NEGR1: variants seen among roughly 807,000 people sequenced by gnomAD.
The protein encoded by NEGR1 is neuronal growth regulator 1.
In NEGR1, 10 loss-of-function variants were observed where a neutral mutation model predicts 40.9. The ratio of observed to expected loss-of-function variants is 0.24; its 90% CI spans 0.15 to 0.42. NEGR1 has a LOEUF of 0.42. Ranked by LOEUF, NEGR1 falls within the 10% of genes least tolerant of loss-of-function variation. The probability of loss-of-function intolerance (pLI) is 1.00; values close to 1 mark genes in which losing one functional copy is unlikely to be tolerated. For missense variants in NEGR1, 352 were observed against 438.9 expected, an observed-to-expected ratio of 0.80 and a Z score of 1.77; for synonymous variants, 185 against 166.8, an observed-to-expected ratio of 1.11 and a Z score of -0.84.
At chr1:71,407,688 C>G (rs1646287257) in intron 6 of NEGR1, 118 bp from the exon 7 acceptor site, 1 of 894,120 alleles carries the variant, frequency 1.1e-6, no homozygotes, top group Admixed American at 2.4e-5. Flanking sequence ...GTCAGACAGA[C>G]TGAAGTTCAT....
At chr1:71,907,968 A>G (rs1661323006) in intron 2 of NEGR1, among the ~76,000 whole-genome samples, 1 of 152,100 alleles carries the variant, frequency 6.6e-6, no homozygotes, top group Admixed American at 6.6e-5. Flanking sequence ...TCATGGACAT[A>G]AAGATGGCAA....
intron 1 of NEGR1, among the ~76,000 whole-genome samples, chr1:72,167,002 G>C (rs1216851185): frequency 6.6e-6 from 1 of 152,050 alleles, no homozygotes; most frequent in Non-Finnish European, 1.5e-5. Context: ...GTGGTCAAGT[G>C]AAATGATTTG....
At chr1:72,078,915 C>T (rs988561589) in intron 1 of NEGR1, among the ~76,000 whole-genome samples, 1 of 151,170 alleles carries the variant, frequency 6.6e-6, no homozygotes, top group African/African-American at 2.4e-5. Context: ...GCTGGGATTA[C>T]AGGCATGAGC....
chr1:71,555,073 C>T (rs1648212281), intron 6 of NEGR1, among the ~76,000 whole-genome samples: 1 of 151,548 alleles, frequency 6.6e-6, no homozygotes, highest in African/African-American at 2.4e-5. Context: ...GCAGCCACTT[C>T]GAATTCAATT....
At position 71,759,287 on chromosome 1, in the gene NEGR1, C is replaced by CTTTTTTTTTTTTT. The variant is rs759687500; in HGVS notation, c.535+16872_535+16884dup. ...AAGGTTGCATTTTCCAAGATTATAA[C>CTTTTTTTTTTTTT]TTTTTTTTTTTTTTTTTTTTTTTTT... On this transcript the variant is annotated intron_variant, in intron 3 of 6. Transcript: ENST00000357731. Among the ~76,000 whole-genome samples, 4 of 85,220 alleles carry CTTTTTTTTTTTTT rather than the reference C, an allele frequency of 4.7e-5. 1 individual carries two copies. The highest frequency in any genetic ancestry group is 6.4e-5 in the Non-Finnish European group (3 of 46,864). 55.9% of individuals were successfully genotyped at this position (85,220 alleles called of 152,430 possible).
intron 1 of NEGR1, among the ~76,000 whole-genome samples, chr1:72,242,116 A>C (rs1371169647): frequency 2.0e-5 from 3 of 151,786 alleles, no homozygotes; most frequent in Non-Finnish European, 4.4e-5. Flanking sequence ...TGTCATTATC[A>C]TAGAATATCC....
intron 1 of NEGR1, among the ~76,000 whole-genome samples, chr1:72,019,109 G>A (rs930445312): frequency 3.9e-5 from 6 of 152,262 alleles, no homozygotes; most frequent in African/African-American, 1.4e-4. Flanking sequence ...AAGGGGAGAA[G>A]TCAAGGATGA....
At chr1:71,693,364 G>T (rs995303961) in intron 4 of NEGR1, among the ~76,000 whole-genome samples, 1 of 151,536 alleles carries the variant, frequency 6.6e-6, no homozygotes, top group African/African-American at 2.4e-5. Context: ...ACTCTAAACT[G>T]TTTAACCCTT....
Position 71,403,507 on chromosome 1 carries a change from G to A in NEGR1, c.*3939C>T, listed in dbSNP as rs1646258691. On this transcript the variant is annotated 3_prime_UTR_variant, in exon 7 of 7. Transcript: ENST00000357731. ...CAGAAAATTTATTTTTAGTTTAGAT[G>A]TAGTTCAGCTCATCAAACCTTTTAG... 5.8e-6 allele frequency: 1 copy of A among 173,420 alleles called. No homozygotes were observed. The highest frequency in any genetic ancestry group is 1.2e-5 in the Non-Finnish European group (1 of 82,448). The allele number at this position is 173,420 out of a possible 1,614,324, so 10.7% of individuals were successfully genotyped here.
chr1:72,150,683 C>T (rs962221374), intron 1 of NEGR1, among the ~76,000 whole-genome samples: 2 of 152,078 alleles, frequency 1.3e-5, no homozygotes, highest in Non-Finnish European at 2.9e-5. Flanking sequence ...TGTAGCCACA[C>T]TGACCAGAAA....
chr1:72,194,298 G>A (rs1353037678), intron 1 of NEGR1, among the ~76,000 whole-genome samples: 1 of 151,802 alleles, frequency 6.6e-6, no homozygotes, highest in Non-Finnish European at 1.5e-5. Context: ...TTTGTATAAG[G>A]TACTATTCAG....
chr1:72,158,430 T>C (rs1041703874), intron 1 of NEGR1, among the ~76,000 whole-genome samples: 3 of 152,186 alleles, frequency 2.0e-5, no homozygotes, highest in African/African-American at 7.2e-5. Flanking sequence ...ACTTTGCTAC[T>C]GATGCAGTGG....
At position 71,966,714 on chromosome 1, in the gene NEGR1, T is replaced by G. The variant is rs548210728; in HGVS notation, c.177-31403A>C. On this transcript the variant is annotated intron_variant, in intron 1 of 6. Transcript: ENST00000357731. ...GGCATCTTTTGCAGCATGCTGAAAA[T>G]CAACATGCCTCAATCACATCAGCAG... Among the ~76,000 whole-genome samples, 132 of 152,162 alleles carry G rather than the reference T, an allele frequency of 8.7e-4. 1 individual carries two copies. The highest frequency in any genetic ancestry group is 7.3e-3 in the South Asian group (35 of 4,826).
In NEGR1 at chr1:71,397,528, T is replaced by C. The variant is rs1646220209; in HGVS notation, c.*9918A>G. 1 of 152,236 alleles carries C rather than the reference T, an allele frequency of 6.6e-6. No homozygotes were observed. The highest frequency in any genetic ancestry group is 2.4e-5 in the African/African-American group (1 of 41,440). The allele number at this position is 152,236 out of a possible 1,614,324, so 9.4% of individuals were successfully genotyped here. On this transcript the variant is annotated 3_prime_UTR_variant, in exon 7 of 7. Coordinates refer to ENST00000357731, the MANE Select transcript of NEGR1 (RefSeq NM_173808.3). ...TTTTAGTAGAGTTGGGGTTTTATCA[T>C]GTTGGCCAGGTTGGTCTCAAATTCG...
At chr1:72,141,989 G>T (rs940374549) in intron 1 of NEGR1, among the ~76,000 whole-genome samples, 2 of 151,926 alleles carry the variant, frequency 1.3e-5, no homozygotes, top group Non-Finnish European at 2.9e-5. Flanking sequence ...AGCTAATAAA[G>T]AAAAAGAATG....
At chr1:71,988,793 G>C (rs1474809184) in intron 1 of NEGR1, among the ~76,000 whole-genome samples, 1 of 151,556 alleles carries the variant, frequency 6.6e-6, no homozygotes, top group Non-Finnish European at 1.5e-5. Flanking sequence ...ACCTGCCACA[G>C]TGACATATGG....
intron 1 of NEGR1, among the ~76,000 whole-genome samples, chr1:72,251,617 G>A (rs1241733913): frequency 1.3e-5 from 2 of 152,052 alleles, no homozygotes; most frequent in Non-Finnish European, 2.9e-5. Flanking sequence ...CAATGTAAAT[G>A]CTATGTCAAT....
chr1:72,135,408 A>AC (rs1557544340), intron 1 of NEGR1, among the ~76,000 whole-genome samples: 5 of 113,654 alleles, frequency 4.4e-5, no homozygotes, highest in African/African-American at 1.6e-4. Flanking sequence ...AAAAAACAAA[A>AC]AAAAAAACAA....
intron 6 of NEGR1, among the ~76,000 whole-genome samples, chr1:71,563,793 T>A (rs1050308889): frequency 2.6e-5 from 4 of 151,806 alleles, no homozygotes; most frequent in African/African-American, 9.7e-5. Context: ...CTGGAAGTGA[T>A]GGCTGAAAAA....
Sources: gnomAD v4.1 joint callset for allele counts (sites outside exome capture counted in the v4.1 genomes callset) on GRCh38, gnomAD v4.1.1 for gene constraint, MANE v1.5 for transcripts, NCBI Gene and HGNC (gene_info 2026-07-23, HGNC 2026-07-21) for gene names.